Variants in PCBP2 observed in about 807,000 individuals in gnomAD.
PCBP2 encodes poly(rC) binding protein 2, also known as poly(rC)-binding protein 2.
Under a neutral mutation model 50.1 loss-of-function variants are expected in PCBP2, and 4 were observed. That is an observed-to-expected ratio of 0.08 (90% CI 0.04 to 0.18). The LOEUF (loss-of-function observed/expected upper bound fraction) is 0.18. Ranked by LOEUF, PCBP2 falls within the 10% of genes least tolerant of loss-of-function variation. PCBP2 has a pLI of 1.00. For missense variants in PCBP2, 161 were observed against 474.3 expected, an observed-to-expected ratio of 0.34 and a Z score of 6.14; for synonymous variants, 179 against 168.0, an observed-to-expected ratio of 1.07 and a Z score of -0.51.
chr12:53,459,241 C>A, intron 5 of PCBP2, 31 bp from the exon 6 acceptor site: 1 of 1,554,526 alleles, frequency 6.4e-7, no homozygotes, highest in Non-Finnish European at 8.7e-7. Flanking sequence ...TTCCAGGGAT[C>A]TGCTTATTGT....
chr12:53,479,200 TC>T (rs924933531), intron 14 of PCBP2, among the ~76,000 whole-genome samples: 2 of 152,218 alleles, frequency 1.3e-5, no homozygotes, highest in South Asian at 2.1e-4. Flanking sequence ...AAGGGCTGTT[TC>T]CCTTGGTTCT....
At chr12:53,462,627 T>TAA (rs1277282390) in intron 8 of PCBP2, 60 bp downstream of exon 8, 1 of 1,428,458 alleles carries the variant, frequency 7.0e-7, no homozygotes, top group Non-Finnish European at 9.8e-7. Context: ...AATGTCAACT[T>TAA]TGCCAGCATC....
intron 1 of PCBP2, chr12:53,453,335 T>C (rs1055557577): frequency 3.9e-5 from 6 of 152,044 alleles, no homozygotes; most frequent in African/African-American, 1.5e-4. Context: ...AAAAAGAAAG[T>C]CATTCTTACA....
chr12:53,470,366 GACTCCGT>G (rs1341316238), intron 13 of PCBP2, among the ~76,000 whole-genome samples: 23 of 110,794 alleles, frequency 2.1e-4, no homozygotes, highest in African/African-American at 7.6e-4. Context: ...AACAGACCAA[GACTCCGT>G]CTCTCAAAAA....
intron 13 of PCBP2, 86 bp downstream of exon 13, chr12:53,468,918 T>TTC: frequency 1.1e-5 from 2 of 182,496 alleles, no homozygotes; most frequent in Non-Finnish European, 1.6e-5. Context: ...CCTGCTACCC[T>TTC]TTTTTTTTTT....
intron 5 of PCBP2, among the ~76,000 whole-genome samples, chr12:53,458,010 C>A (rs769532835): frequency 6.6e-6 from 1 of 152,120 alleles, no homozygotes; most frequent in East Asian, 1.9e-4. Flanking sequence ...CTCACCGTAA[C>A]CTCTGACTCC....
chr12:53,462,498 C>A lies in PCBP2; in HGVS notation c.510C>A (p.Pro170=), dbSNP rs781464109. 8.1e-6 allele frequency: 13 copies of A among 1,611,616 alleles called. No homozygotes were observed. The East Asian group carries it at 8.9e-5, about 11-fold the overall frequency. The change falls in exon 8 of 15, where the codon CCC becomes CCA. Residue 170 remains proline (P), a synonymous_variant. Transcript: ENST00000546463. ...KQICVVMLES[P]PKGVTIPYRP... is the part of the protein sequence containing the mutation. ...CCCCTCTGACTCTCTCCCAGTCCCCCCCGAAGGGCGTGACCATCCCGTACC... is the reference window on the plus strand; with the variant it reads ...CCCCTCTGACTCTCTCCCAGTCCCCACCGAAGGGCGTGACCATCCCGTACC...
At chr12:53,470,151 T>C (rs573624698) in intron 13 of PCBP2, among the ~76,000 whole-genome samples, 1 of 151,646 alleles carries the variant, frequency 6.6e-6, no homozygotes, top group South Asian at 2.2e-4. Flanking sequence ...TGTGGGAGGC[T>C]GAGGCAAGTG....
chr12:53,458,816 T>G (rs1941237853), intron 5 of PCBP2, among the ~76,000 whole-genome samples: 2 of 151,934 alleles, frequency 1.3e-5, no homozygotes, highest in Non-Finnish European at 2.9e-5. Flanking sequence ...TTTTTGTATT[T>G]TTAGTGGAGA....
At chr12:53,477,689 A>C (rs866117012) in intron 14 of PCBP2, among the ~76,000 whole-genome samples, 8 of 150,192 alleles carry the variant, frequency 5.3e-5, no homozygotes, top group South Asian at 2.1e-4. Flanking sequence ...AAAAAAAAAA[A>C]AAAAACCCTA....
At chr12:53,457,643 G>A (rs932450064) in intron 5 of PCBP2, among the ~76,000 whole-genome samples, 5 of 152,130 alleles carry the variant, frequency 3.3e-5, no homozygotes, top group Admixed American at 1.3e-4. Context: ...ACCATGCGTG[G>A]CCTTTATTTT....
At chr12:53,471,987 A>C (rs1228756953) in intron 14 of PCBP2, among the ~76,000 whole-genome samples, 180 bp downstream of exon 14, 1 of 120,642 alleles carries the variant, frequency 8.3e-6, no homozygotes, top group African/African-American at 2.8e-5. Context: ...AACTGCAGTA[A>C]GTTTTCAAGG....
At chr12:53,474,021 A>ATG (rs1942411195) in intron 14 of PCBP2, among the ~76,000 whole-genome samples, 1 of 152,146 alleles carries the variant, frequency 6.6e-6, no homozygotes, top group Admixed American at 6.5e-5. Context: ...TCCCAAATAT[A>ATG]TGTAGTTCTG....
intron 6 of PCBP2, chr12:53,459,842 A>G (rs1362133883): frequency 1.1e-5 from 5 of 454,082 alleles, no homozygotes; most frequent in Non-Finnish European, 1.8e-5. Context: ...GCAGCAAAAC[A>G]TCGACCTTCC....
Position 53,479,456 on chromosome 12 carries a change from C to T in PCBP2, c.*14C>T, listed in dbSNP as rs1592699992. 2 of 1,611,490 alleles carry T rather than the reference C, an allele frequency of 1.2e-6. No homozygotes were observed. On this transcript the variant is annotated 3_prime_UTR_variant, in exon 15 of 15. Transcript: ENST00000546463. ...GGGAGCAGCTAGAACAATGCAGATT[C>T]ATCCATAATCCCTTTCTGCTGTTCA...
At position 53,454,882 on chromosome 12, in the gene PCBP2, T is replaced by C. The variant is rs1193639191; in HGVS notation, c.69+13T>C. On this transcript the variant is annotated intron_variant, in intron 2 of 14. Transcript: ENST00000546463. ...TATGCATGGAAAGGTATGCTCTAGCTTGGGAAATGGGGTCATAGTAACTGC... is the reference window on the plus strand; with the variant it reads ...TATGCATGGAAAGGTATGCTCTAGCCTGGGAAATGGGGTCATAGTAACTGC... The C allele has an allele frequency of 6.2e-7, 1 of 1,611,556 alleles. No homozygotes were observed. The highest frequency in any genetic ancestry group is 8.5e-7 in the Non-Finnish European group (1 of 1,177,680).
rs1302209722 is a variant in PCBP2, at chr12:53,452,310, C to A, written c.-142C>A. The A allele has an allele frequency of 7.3e-6, 1 of 136,530 alleles. No individual in the cohort carries two copies. The highest frequency in any genetic ancestry group is 2.7e-5 in the African/African-American group (1 of 36,398). 8.5% of individuals were successfully genotyped at this position (136,530 alleles called of 1,614,324 possible). A position where few individuals can be genotyped will look rare whatever the true frequency, so the allele number is the denominator to read the frequency against. On this transcript the variant is annotated 5_prime_UTR_variant, in exon 1 of 15. Coordinates refer to ENST00000546463, the MANE Select transcript of PCBP2 (RefSeq NM_031989.5). ...TTCCCGCCCGCCCCTATTGTTCCGC[C>A]CCCGGCCTCCCGCCCTTCCCCTTCC...
intron 6 of PCBP2, 86 bp from the exon 7 acceptor site, chr12:53,460,926 TAGA>T: frequency 1.4e-6 from 2 of 1,387,794 alleles, no homozygotes; most frequent in Non-Finnish European, 2.0e-6. Flanking sequence ...AAATATCTAC[TAGA>T]GTTTTAGGCT....
intron 1 of PCBP2, chr12:53,453,323 A>G (rs1940729160): frequency 6.6e-6 from 1 of 151,802 alleles, no homozygotes; most frequent in African/African-American, 2.4e-5. Context: ...ACATCTTATT[A>G]AAAAAAGAAA....
Sources: allele counts gnomAD v4.1 joint callset (sites outside exome capture counted in the v4.1 genomes callset), GRCh38; gene constraint gnomAD v4.1.1; transcripts MANE v1.5; gene names NCBI Gene and HGNC (gene_info 2026-07-23, HGNC 2026-07-21).